RRAS2: variants seen among roughly 807,000 people sequenced by gnomAD.
The protein encoded by RRAS2 is RAS related 2, also known as ras-related protein R-Ras2.
RRAS2 carries 7 observed loss-of-function variants against 27.6 expected under a neutral mutation model. The observed-to-expected ratio is 0.25, with a 90% CI of 0.14 to 0.48. The LOEUF (loss-of-function observed/expected upper bound fraction) is 0.48. Among genes scored for constraint, RRAS2 ranks in the 20% least tolerant of loss-of-function variants. RRAS2 has a pLI of 0.99. For missense variants in RRAS2, 178 were observed against 256.2 expected (o/e 0.69, Z 2.08); for synonymous variants, 86 against 90.9 (o/e 0.95, Z 0.31).
At chr11:14,331,940 T>A (rs1848488488) in intron 1 of RRAS2, among the ~76,000 whole-genome samples, 1 of 152,168 alleles carries the variant, frequency 6.6e-6, no homozygotes, top group African/African-American at 2.4e-5. Flanking sequence ...CATAAAAAGA[T>A]GCTGAATATC....
At chr11:14,289,422 C>CGA (rs1222137370) in intron 4 of RRAS2, among the ~76,000 whole-genome samples, 1 of 152,190 alleles carries the variant, frequency 6.6e-6, no homozygotes. Context: ...ATTCCACTGT[C>CGA]TAAGCCAACA....
chr11:14,343,800 C>T (rs1020989110), intron 1 of RRAS2, among the ~76,000 whole-genome samples: 4 of 151,946 alleles, frequency 2.6e-5, no homozygotes, highest in African/African-American at 9.7e-5. Context: ...CGCCAATGCA[C>T]TCCAGCCTGG....
At chr11:14,288,419 A>G (rs988413233) in intron 4 of RRAS2, among the ~76,000 whole-genome samples, 1 of 152,256 alleles carries the variant, frequency 6.6e-6, no homozygotes, top group Non-Finnish European at 1.5e-5. Context: ...CTAAGTAGAA[A>G]TAGCATTGCC....
At chr11:14,348,795 A>G (rs1482128964) in intron 1 of RRAS2, among the ~76,000 whole-genome samples, 7 of 152,178 alleles carry the variant, frequency 4.6e-5, no homozygotes, top group African/African-American at 1.7e-4. Flanking sequence ...TCCTTCCAGT[A>G]GAGAATAGTA....
At position 14,295,064 on chromosome 11, in the gene RRAS2, A is replaced by G. The variant is rs150761223; in HGVS notation, c.197-202T>C. 3.3e-5 allele frequency among the ~76,000 whole-genome samples: 5 copies of G among 152,336 alleles called. No individual in the cohort carries two copies. The East Asian group carries it at 9.6e-4, about 29-fold the overall frequency. ...GACAGTTACAGAGTTTATCTTCATC[A>G]GTATGGGTTGACTTTGTGGTTAGAA... On this transcript the variant is annotated intron_variant, in intron 2 of 5. Transcript: ENST00000256196.
At chr11:14,332,972 C>A (rs1173196001) in intron 1 of RRAS2, among the ~76,000 whole-genome samples, 5 of 152,104 alleles carry the variant, frequency 3.3e-5, no homozygotes, top group East Asian at 3.9e-4. Context: ...AATAATTACA[C>A]CATTGTAAAA....
At chr11:14,327,366 T>C (rs1848384212) in intron 1 of RRAS2, among the ~76,000 whole-genome samples, 1 of 152,078 alleles carries the variant, frequency 6.6e-6, no homozygotes, top group Non-Finnish European at 1.5e-5. Context: ...ATAAAGGAAG[T>C]TGTCTTCTTC....
At position 14,331,673 on chromosome 11, in the gene RRAS2, T is replaced by TAA. The variant is rs80130992; in HGVS notation, c.108+27088_108+27089dup. ...GCAACATAGGGAGATCCCCAACTCT[T>TAA]AAAAAAAAAAAAAAAAAAAAAAAAG... On this transcript the variant is annotated intron_variant, in intron 1 of 5. Coordinates refer to ENST00000256196, the MANE Select transcript of RRAS2 (RefSeq NM_012250.6). 6.1e-3 allele frequency among the ~76,000 whole-genome samples: 501 copies of TAA among 81,532 alleles called. 7 individuals are homozygous for TAA. Among genetic ancestry groups the TAA allele is most frequent in the African/African-American group, 0.022 (470 of 20,900 alleles). The allele number at this position is 81,532 out of a possible 152,430, so 53.5% of individuals were successfully genotyped here. A position where few individuals can be genotyped will look rare whatever the true frequency, so the allele number is the denominator to read the frequency against.
In RRAS2 at chr11:14,281,454, C is replaced by T. The variant is rs543136211; in HGVS notation, c.527+148G>A. Reference sequence around the variant, plus strand: ...TCATAATTAAATTATATTTTATATTCTAGAAGTGCCTAGAATATGTACTTA... The same window carrying T: ...TCATAATTAAATTATATTTTATATTTTAGAAGTGCCTAGAATATGTACTTA... On this transcript the variant is annotated intron_variant, in intron 5 of 5. Transcript: ENST00000256196. 1.3e-4 allele frequency: 62 copies of T among 493,716 alleles called. No homozygotes were observed. The South Asian group carries it at 2.1e-3, about 17-fold the overall frequency. The allele number at this position is 493,716 out of a possible 1,614,324, so 30.6% of individuals were successfully genotyped here. A position where few individuals can be genotyped will look rare whatever the true frequency, so the allele number is the denominator to read the frequency against.
At chr11:14,283,040 G>A (rs1849582473) in intron 4 of RRAS2, among the ~76,000 whole-genome samples, 1 of 152,098 alleles carries the variant, frequency 6.6e-6, no homozygotes. Flanking sequence ...TAAGTGTGCT[G>A]TCAGTTAGAG....
In RRAS2 at chr11:14,281,678, C is replaced by T. The variant is rs1554944335; in HGVS notation, c.451G>A (p.Val151Ile). Residue 151 changes from valine to isoleucine, a missense_variant, in exon 5 of 6, where the codon GTA becomes ATA. Coordinates refer to ENST00000256196, the MANE Select transcript of RRAS2 (RefSeq NM_012250.6). ...EGQQLARQLK[V>I]TYMEASAKIR... ...TTTGCTGATGCCTCCATGTATGTTA[C>T]CTTAAGCTGCCGTGCTAACTGTTGT... 2 of 1,595,624 alleles carry T rather than the reference C, an allele frequency of 1.3e-6. No individual in the cohort carries two copies. The highest frequency in any genetic ancestry group is 1.8e-5 in the Admixed American group (1 of 54,960).
chr11:14,319,158 T>A (rs1372598864), intron 1 of RRAS2, among the ~76,000 whole-genome samples: 1 of 152,172 alleles, frequency 6.6e-6, no homozygotes, highest in Non-Finnish European at 1.5e-5. Flanking sequence ...AATAAATGTA[T>A]TGCCCCTGCT....
chr11:14,336,360 C>A (rs1179111404), intron 1 of RRAS2, among the ~76,000 whole-genome samples: 1 of 152,006 alleles, frequency 6.6e-6, no homozygotes, highest in East Asian at 1.9e-4. Context: ...ACCCAAGGAA[C>A]AGGAAGATCC....
intron 1 of RRAS2, among the ~76,000 whole-genome samples, chr11:14,353,428 A>G (rs1554955057): frequency 6.6e-6 from 1 of 152,118 alleles, no homozygotes; most frequent in East Asian, 1.9e-4. Flanking sequence ...TCTACTAAAA[A>G]TACAAAATTA....
chr11:14,316,653 G>C lies in RRAS2; in HGVS notation c.109-20798C>G, dbSNP rs192298872. On this transcript the variant is annotated intron_variant, in intron 1 of 5. Coordinates refer to ENST00000256196, the MANE Select transcript of RRAS2 (RefSeq NM_012250.6). The stretch of plus-strand genomic sequence containing the variant: ...AGCTAATTGGGAGGTTGAAGCAGGA[G>C]GATTGCTTAAGCCCAGGAGGTCAAG... Among the ~76,000 whole-genome samples, 249 of 152,312 alleles carry C rather than the reference G, an allele frequency of 1.6e-3. 1 individual carries two copies. Among genetic ancestry groups the C allele is most frequent in the African/African-American group, 5.6e-3 (231 of 41,556 alleles).
chr11:14,321,878 G>T (rs1286260160), intron 1 of RRAS2, among the ~76,000 whole-genome samples: 2 of 152,016 alleles, frequency 1.3e-5, no homozygotes, highest in African/African-American at 4.8e-5. Flanking sequence ...GTGGCTTCTG[G>T]TATAATTCCT....
upstream of RRAS2, among the ~76,000 whole-genome samples, chr11:14,361,885 G>A (rs369253044): frequency 4.6e-5 from 7 of 152,276 alleles, no homozygotes; most frequent in South Asian, 6.2e-4. Flanking sequence ...GTATAGCCAC[G>A]CAATAGAATA....
intron 1 of RRAS2, among the ~76,000 whole-genome samples, chr11:14,339,293 A>AAGG (rs1491545111): frequency 2.3e-4 from 15 of 63,932 alleles, no homozygotes; most frequent in African/African-American, 5.5e-4. Flanking sequence ...AAAAAAAAAA[A>AAGG]GGGGGGGGGG....
In RRAS2 at chr11:14,358,700, A is replaced by C; in HGVS notation, c.108+63T>G. On this transcript the variant is annotated intron_variant, in intron 1 of 5. Coordinates refer to ENST00000256196, the MANE Select transcript of RRAS2 (RefSeq NM_012250.6). This position sits in a 1 kb window ranked among gnomAD's most constrained non-coding sequence, Gnocchi z 5.1. ...GCGAGGTCGCGGCGGCCGCCCCGCCACAGGTAGCGCCAGCCCCCGCCCGCC... is the reference window on the plus strand; with the variant it reads ...GCGAGGTCGCGGCGGCCGCCCCGCCCCAGGTAGCGCCAGCCCCCGCCCGCC... 9.1e-7 allele frequency: 1 copy of C among 1,094,870 alleles called. No homozygotes were observed. Among genetic ancestry groups the C allele is most frequent in the Non-Finnish European group, 1.1e-6 (1 of 900,648 alleles). 67.8% of individuals were successfully genotyped at this position (1,094,870 alleles called of 1,614,324 possible).
Sources: allele counts gnomAD v4.1 joint callset (sites outside exome capture counted in the v4.1 genomes callset), GRCh38; gene constraint gnomAD v4.1.1; non-coding constraint Gnocchi (gnomAD v3.1); transcripts MANE v1.5; gene names NCBI Gene and HGNC (gene_info 2026-07-23, HGNC 2026-07-21).